Variants in NWD2 observed in about 807,000 individuals in gnomAD.
NWD2 encodes the protein NACHT and WD repeat domain containing 2.
A neutral mutation model predicts 132.7 loss-of-function variants in NWD2; 37 were observed. That is an observed-to-expected ratio of 0.28 (90% CI 0.21 to 0.37). The LOEUF (loss-of-function observed/expected upper bound fraction) is 0.37. Ranked by LOEUF, NWD2 falls within the 10% of genes least tolerant of loss-of-function variation. The pLI is 1.00. For synonymous variants in NWD2, 705 were observed against 803.0 expected (o/e 0.88, Z 2.06); for missense variants, 1,592 against 2,122.4 (o/e 0.75, Z 4.91).
intron 3 of NWD2, among the ~76,000 whole-genome samples, chr4:37,398,313 A>G (rs1360886823): frequency 6.6e-6 from 1 of 152,202 alleles, no homozygotes; most frequent in Non-Finnish European, 1.5e-5. Flanking sequence ...ACATGGATGA[A>G]GCTGGAAACC....
rs1299539231 is a variant in NWD2 at position 37,443,661 on chromosome 4, G to A, written c.1673G>A (p.Cys558Tyr). Residue 558 changes from cysteine (C) to tyrosine (Y), a missense_variant, in exon 7 of 7, where the codon TGC becomes TAC. Around this residue, in one of 7 missense-constraint regions of NWD2, gnomAD observed 1,071 missense variants for 1,398.0 expected, o/e 0.77. Coordinates refer to ENST00000309447, the MANE Select transcript of NWD2 (RefSeq NM_001144990.2). This position sits in a 1 kb window ranked among gnomAD's most constrained non-coding sequence, Gnocchi z 4.1. The stretch of plus-strand genomic sequence containing the variant: ...CATGGGATCTTGCAGAAACTAAGGT[G>A]CCTTATCCATGAAGAAGACAACTAC... ...NKHGILQKLR[C>Y]LIHEEDNYIE... 13 of 1,551,994 alleles carry A rather than the reference G, an allele frequency of 8.4e-6. No homozygotes were observed. The highest frequency in any genetic ancestry group is 1.1e-5 in the Non-Finnish European group (13 of 1,147,126).
At chr4:37,316,135 C>G (rs1718952207) in intron 1 of NWD2, among the ~76,000 whole-genome samples, 1 of 152,010 alleles carries the variant, frequency 6.6e-6, no homozygotes, top group South Asian at 2.1e-4. Context: ...TTCCTTTAAG[C>G]TTAGAATAAT....
At chr4:37,303,868 T>C (rs529183518) in intron 1 of NWD2, among the ~76,000 whole-genome samples, 2 of 152,338 alleles carry the variant, frequency 1.3e-5, no homozygotes, top group South Asian at 4.1e-4. Flanking sequence ...TATATAAGAC[T>C]ATGTTATCTG....
intron 2 of NWD2, among the ~76,000 whole-genome samples, chr4:37,351,878 T>C (rs1031390456): frequency 6.6e-6 from 1 of 152,226 alleles, no homozygotes; most frequent in Non-Finnish European, 1.5e-5. Flanking sequence ...GTATGTTGTG[T>C]CTTCATTCTC....
At chr4:37,360,226 A>G (rs886813548) in intron 3 of NWD2, among the ~76,000 whole-genome samples, 1 of 152,204 alleles carries the variant, frequency 6.6e-6, no homozygotes, top group Non-Finnish European at 1.5e-5. Context: ...TTGTAAACCC[A>G]TAAAAGGCTA....
At chr4:37,409,262 A>T (rs975654007) in intron 3 of NWD2, among the ~76,000 whole-genome samples, 11 of 152,062 alleles carry the variant, frequency 7.2e-5, no homozygotes, top group African/African-American at 2.4e-4. Context: ...AAAACCTTGA[A>T]AAAAGGTTAG....
At chr4:37,372,109 A>C (rs1316917802) in intron 3 of NWD2, among the ~76,000 whole-genome samples, 3 of 152,184 alleles carry the variant, frequency 2.0e-5, no homozygotes, top group Non-Finnish European at 2.9e-5. Flanking sequence ...ATTATTGTAC[A>C]TTTAAGTACC....
intron 2 of NWD2, among the ~76,000 whole-genome samples, chr4:37,337,834 A>G (rs937113834): frequency 1.2e-4 from 19 of 152,034 alleles, no homozygotes; most frequent in Admixed American, 1.2e-3. Context: ...TTAAAACAGA[A>G]CTCATCCTCC....
At chr4:37,248,065 A>G (rs1351435521) in intron 1 of NWD2, among the ~76,000 whole-genome samples, 1 of 152,222 alleles carries the variant, frequency 6.6e-6, no homozygotes, top group Non-Finnish European at 1.5e-5. Flanking sequence ...GTATCAAATT[A>G]TACCACTTGC....
chr4:37,441,994 C>T lies in NWD2; in HGVS notation c.1297-1291C>T, dbSNP rs557001196. On this transcript the variant is annotated intron_variant, in intron 6 of 6. Transcript: ENST00000309447. ...ATAAGCAATCAATGTAGAAACAAAC[C>T]GGTGTTTTCAGATTTACCACCAAAG... 3.3e-5 allele frequency among the ~76,000 whole-genome samples: 5 copies of T among 152,238 alleles called. No homozygotes were observed. The East Asian group carries it at 9.7e-4, about 29-fold the overall frequency.
intron 3 of NWD2, among the ~76,000 whole-genome samples, chr4:37,412,523 G>A (rs1371591498): frequency 6.6e-6 from 1 of 152,154 alleles, no homozygotes; most frequent in Admixed American, 6.5e-5. Context: ...TCATGAATAG[G>A]AAGAATCATT....
chr4:37,321,882 T>C (rs1435222731), intron 1 of NWD2, among the ~76,000 whole-genome samples: 1 of 152,200 alleles, frequency 6.6e-6, no homozygotes, highest in East Asian at 1.9e-4. Context: ...TTCACATATT[T>C]AGAAAGGCTC....
intron 1 of NWD2, among the ~76,000 whole-genome samples, chr4:37,265,980 T>G (rs1355720689): frequency 1.3e-5 from 2 of 152,102 alleles, no homozygotes; most frequent in East Asian, 3.9e-4. Context: ...ATTTCAAGAT[T>G]CTTTAAGAAC....
intron 3 of NWD2, among the ~76,000 whole-genome samples, chr4:37,417,772 C>G (rs1173611835): frequency 6.6e-6 from 1 of 152,088 alleles, no homozygotes; most frequent in Non-Finnish European, 1.5e-5. Flanking sequence ...TTTCTCACAA[C>G]TGGGGTTGAA....
chr4:37,401,844 T>A (rs1720901834), intron 3 of NWD2, among the ~76,000 whole-genome samples: 1 of 152,212 alleles, frequency 6.6e-6, no homozygotes, highest in African/African-American at 2.4e-5. Flanking sequence ...TCTCCTCTTG[T>A]TGAAATCGTC....
intron 1 of NWD2, among the ~76,000 whole-genome samples, chr4:37,274,647 A>G (rs1170413830): frequency 6.6e-6 from 1 of 152,076 alleles, no homozygotes; most frequent in Non-Finnish European, 1.5e-5. Context: ...ATTTTAGACC[A>G]ATATCCCTGA....
At chr4:37,279,888 G>A (rs1718093831) in intron 1 of NWD2, among the ~76,000 whole-genome samples, 1 of 152,168 alleles carries the variant, frequency 6.6e-6, no homozygotes, top group African/African-American at 2.4e-5. Context: ...GAATAGAGAA[G>A]CCTTCCTTTA....
chr4:37,265,744 T>C (rs1717736983), intron 1 of NWD2, among the ~76,000 whole-genome samples: 1 of 152,036 alleles, frequency 6.6e-6, no homozygotes, highest in Non-Finnish European at 1.5e-5. Context: ...CTCCCTCTTA[T>C]AAGGACCCTT....
chr4:37,402,437 T>C (rs1477451395), intron 3 of NWD2, among the ~76,000 whole-genome samples: 4 of 152,162 alleles, frequency 2.6e-5, no homozygotes, highest in Non-Finnish European at 5.9e-5. Flanking sequence ...TTTATGAAAA[T>C]TAGATGTTGA....
Sources: gnomAD v4.1 joint callset for allele counts (sites outside exome capture counted in the v4.1 genomes callset) on GRCh38, gnomAD v4.1.1 for gene constraint, gnomAD v4.1.1 regional missense constraint, Gnocchi (gnomAD v3.1) non-coding constraint, MANE v1.5 for transcripts, NCBI Gene and HGNC (gene_info 2026-07-23, HGNC 2026-07-21) for gene names.